Variants in ZNF280D observed in about 807,000 individuals in gnomAD.
ZNF280D encodes suppressor of hairy wing homolog 4.
A neutral mutation model predicts 94.7 loss-of-function variants in ZNF280D; 39 were observed. The observed-to-expected ratio is 0.41, with a 90% CI of 0.32 to 0.54. The LOEUF (loss-of-function observed/expected upper bound fraction) is 0.54. Among genes scored for constraint, ZNF280D ranks in the 20% least tolerant of loss-of-function variants. ZNF280D has a pLI of 0.22. For synonymous variants in ZNF280D, 398 were observed against 377.6 expected (o/e 1.05, Z -0.63); for missense variants, 1,090 against 1,149.3 (o/e 0.95, Z 0.75).
chr15:56,643,497 A>G (rs1382524111), intron 19 of ZNF280D, among the ~76,000 whole-genome samples: 1 of 151,698 alleles, frequency 6.6e-6, no homozygotes, highest in Non-Finnish European at 1.5e-5. Context: ...AAAATCACAG[A>G]AGTAATTAGA....
intron 6 of ZNF280D, among the ~76,000 whole-genome samples, chr15:56,696,519 T>C (rs528377803): frequency 6.6e-6 from 1 of 152,296 alleles, no homozygotes; most frequent in African/African-American, 2.4e-5. Context: ...ACAAAGCCCA[T>C]GCACTTAAGC....
At chr15:56,704,032 A>T in intron 4 of ZNF280D, 89 bp downstream of exon 4, 1 of 1,404,120 alleles carries the variant, frequency 7.1e-7, no homozygotes, top group South Asian at 1.3e-5. Context: ...GTGGAACATG[A>T]ACATCAACTA....
intron 16 of ZNF280D, among the ~76,000 whole-genome samples, chr15:56,664,682 T>C (rs1483947181): frequency 6.6e-6 from 1 of 152,054 alleles, no homozygotes; most frequent in South Asian, 2.1e-4. Context: ...CAGGTAAAAA[T>C]AAAGAGATCT....
In ZNF280D at chr15:56,670,569, AT is replaced by A. The variant is rs2054793781; in HGVS notation, c.1411-1613del. ...GTATTCCATGGTGTATATGTACCAC[AT>A]TTTTTTCATCCAGTCCACCACTGAT... is the stretch of plus-strand genomic sequence containing the variant. On this transcript the variant is annotated intron_variant, in intron 13 of 21. Coordinates refer to ENST00000267807, the MANE Select transcript of ZNF280D (RefSeq NM_017661.4). Among the ~76,000 whole-genome samples the A allele has an allele frequency of 7.2e-5, 11 of 151,870 alleles. No individual in the cohort carries two copies. The South Asian group carries it at 2.3e-3, about 31-fold the overall frequency.
At chr15:56,653,099 T>C in intron 19 of ZNF280D, 1 of 988,806 alleles carries the variant, frequency 1.0e-6, no homozygotes, top group Non-Finnish European at 1.2e-6. Context: ...TATATGTCAG[T>C]AAAAATAACT....
At chr15:56,668,437 C>T (rs2054446117) in intron 14 of ZNF280D, among the ~76,000 whole-genome samples, 1 of 152,036 alleles carries the variant, frequency 6.6e-6, no homozygotes, top group East Asian at 1.9e-4. Flanking sequence ...GAACTCAAGG[C>T]ACTGTACCAG....
intron 13 of ZNF280D, among the ~76,000 whole-genome samples, chr15:56,674,923 C>A (rs1373316760): frequency 6.6e-6 from 1 of 151,978 alleles, no homozygotes; most frequent in African/African-American, 2.4e-5. Flanking sequence ...ATGGAGTCAA[C>A]TATTCTGATT....
At position 56,656,932 on chromosome 15, in the gene ZNF280D, C is replaced by T. The variant is rs757288703; in HGVS notation, c.2057+1492G>A. On this transcript the variant is annotated intron_variant, in intron 17 of 21. Coordinates refer to ENST00000267807, the MANE Select transcript of ZNF280D (RefSeq NM_017661.4). ...AAGACTCACTCAATCAAAGTAGAGG[C>T]CTAAAGGAGACAAAAGAGCTAACCA... 1.3e-3 allele frequency among the ~76,000 whole-genome samples: 192 copies of T among 152,030 alleles called. 1 individual carries two copies. The highest frequency in any genetic ancestry group is 2.1e-3 in the Non-Finnish European group (143 of 67,932).
intron 19 of ZNF280D, chr15:56,653,264 A>C: frequency 8.5e-7 from 1 of 1,178,910 alleles, no homozygotes; most frequent in East Asian, 3.7e-5. Flanking sequence ...TTCAACTTGG[A>C]TGCTGAAGCA....
chr15:56,721,212 C>T (rs747454530), intron 1 of ZNF280D, among the ~76,000 whole-genome samples: 2 of 152,096 alleles, frequency 1.3e-5, no homozygotes, highest in South Asian at 4.1e-4. Context: ...ATCAAGTGAT[C>T]CACCCATCTC....
intron 18 of ZNF280D, 28 bp from the exon 19 acceptor site, chr15:56,654,262 T>G: frequency 6.2e-7 from 1 of 1,608,684 alleles, no homozygotes; most frequent in Non-Finnish European, 8.5e-7. Flanking sequence ...GTTTTACATT[T>G]ACAACAGCAT....
Position 56,632,086 on chromosome 15 carries a change from A to AT in ZNF280D, c.2351dup (p.Asn784LysfsTer4). 3 of 1,589,478 alleles carry AT rather than the reference A, an allele frequency of 1.9e-6. No homozygotes were observed. Among genetic ancestry groups the AT allele is most frequent in the Non-Finnish European group, 2.6e-6 (3 of 1,169,268 alleles). ...CTTCAAATGAATTTGCATTACATCC[A>AT]TTTTTTTCTTTTGAAGAAGCAGCTT... On this transcript the variant is annotated frameshift_variant, in exon 22 of 22. Transcript: ENST00000267807. LOFTEE classifies it low-confidence loss of function (END_TRUNC).
intron 6 of ZNF280D, among the ~76,000 whole-genome samples, chr15:56,695,186 T>A (rs894690790): frequency 1.2e-4 from 18 of 151,712 alleles, no homozygotes; most frequent in African/African-American, 4.4e-4. Context: ...GACTCTCCTG[T>A]CTCAGCCTCC....
intron 21 of ZNF280D, among the ~76,000 whole-genome samples, chr15:56,633,098 A>C (rs1224541435): frequency 1.8e-4 from 28 of 152,194 alleles, no homozygotes; most frequent in African/African-American, 6.8e-4. Context: ...TCTAGATCTA[A>C]GGATGCTTAT....
chr15:56,727,196 G>T (rs894601173), intron 1 of ZNF280D, among the ~76,000 whole-genome samples: 1 of 150,312 alleles, frequency 6.7e-6, no homozygotes, highest in East Asian at 2.0e-4. Context: ...CTGGCTGGGC[G>T]TGGTGGCTCA....
rs539584430 is a variant in ZNF280D at position 56,673,843 on chromosome 15, T to C, written c.1410+2827A>G. Among the ~76,000 whole-genome samples the C allele has an allele frequency of 3.3e-5, 5 of 152,196 alleles. No homozygotes were observed. In the South Asian group the frequency reaches 8.3e-4, roughly 25 times the overall value. The stretch of plus-strand genomic sequence containing the variant: ...GTAATTCACATGGCTTACTCCTTTA[T>C]ATCCTTCAGAGAGGCCCATGTTTGA... On this transcript the variant is annotated intron_variant, in intron 13 of 21. Coordinates refer to ENST00000267807, the MANE Select transcript of ZNF280D (RefSeq NM_017661.4).
intron 1 of ZNF280D, among the ~76,000 whole-genome samples, chr15:56,708,690 C>G (rs1474241817): frequency 7.2e-5 from 11 of 152,226 alleles, no homozygotes; most frequent in Admixed American, 7.2e-4. Context: ...ACAGAGCCCT[C>G]AGAAATAATA....
intron 13 of ZNF280D, among the ~76,000 whole-genome samples, chr15:56,676,217 T>A (rs1238299455): frequency 2.0e-5 from 3 of 152,120 alleles, no homozygotes; most frequent in African/African-American, 7.2e-5. Context: ...TGTCTTCTCA[T>A]AATGATAAGG....
chr15:56,691,070 C>T (rs750916401), intron 7 of ZNF280D, among the ~76,000 whole-genome samples: 1 of 152,058 alleles, frequency 6.6e-6, no homozygotes, highest in Non-Finnish European at 1.5e-5. Flanking sequence ...GTACTTAAGG[C>T]ACCCAACAAA....
Sources: gnomAD v4.1 joint callset for allele counts (sites outside exome capture counted in the v4.1 genomes callset) on GRCh38, gnomAD v4.1.1 for gene constraint, MANE v1.5 for transcripts, NCBI Gene and HGNC (gene_info 2026-07-23, HGNC 2026-07-21) for gene names.